ABCA13: variants seen among roughly 807,000 people sequenced by gnomAD.
The protein encoded by ABCA13 is ATP binding cassette subfamily A member 13.
Under a neutral mutation model 478.7 loss-of-function variants are expected in ABCA13, and 476 were observed. That is an observed-to-expected ratio of 0.99 (90% CI 0.92 to 1.07). The LOEUF (loss-of-function observed/expected upper bound fraction) is 1.07. Ranked by LOEUF, ABCA13 falls within the 50% of genes least tolerant of loss-of-function variation. The pLI, the probability that ABCA13 is intolerant of heterozygous loss-of-function variation, is 0.00. For synonymous variants in ABCA13, 2,252 were observed against 2,158.9 expected, an observed-to-expected ratio of 1.04 and a Z score of -1.20; for missense variants, 6,060 against 5,910.6, an observed-to-expected ratio of 1.03 and a Z score of -0.83.
chr7:48,449,139 G>A (rs899278553), intron 42 of ABCA13, among the ~76,000 whole-genome samples: 1 of 152,158 alleles, frequency 6.6e-6, no homozygotes, highest in African/African-American at 2.4e-5. Flanking sequence ...CACTGTGTCC[G>A]GCTCCTAGCT....
At chr7:48,478,146 A>G (rs1203728872) in intron 45 of ABCA13, among the ~76,000 whole-genome samples, 2 of 150,004 alleles carry the variant, frequency 1.3e-5, no homozygotes, top group Non-Finnish European at 3.0e-5. Flanking sequence ...GAAGTTATAT[A>G]TATTTGTGGT....
At chr7:48,578,072 T>C (rs1273439324) in intron 55 of ABCA13, among the ~76,000 whole-genome samples, 2 of 152,084 alleles carry the variant, frequency 1.3e-5, no homozygotes, top group Non-Finnish European at 2.9e-5. Context: ...GAAAGGACAT[T>C]CCTCAACTTG....
intron 58 of ABCA13, among the ~76,000 whole-genome samples, chr7:48,608,972 T>C (rs966978900): frequency 2.0e-5 from 3 of 152,224 alleles, no homozygotes; most frequent in African/African-American, 7.2e-5. Flanking sequence ...GTTGTTTTTC[T>C]TGTATTTTAC....
chr7:48,330,179 A>C (rs1402002492), intron 27 of ABCA13, among the ~76,000 whole-genome samples: 1 of 151,686 alleles, frequency 6.6e-6, no homozygotes, highest in Non-Finnish European at 1.5e-5. Context: ...CTGTCCATCC[A>C]TCCGTCCATT....
At chr7:48,603,275 T>C (rs1448458483) in intron 58 of ABCA13, among the ~76,000 whole-genome samples, 1 of 152,094 alleles carries the variant, frequency 6.6e-6, no homozygotes, top group African/African-American at 2.4e-5. Context: ...TGTTGAATAG[T>C]AGTGGTGAGA....
intron 38 of ABCA13, among the ~76,000 whole-genome samples, 191 bp from the exon 39 acceptor site, chr7:48,403,492 G>A (rs1817873725): frequency 6.6e-6 from 1 of 152,220 alleles, no homozygotes. Flanking sequence ...CCCTTGGCGT[G>A]GTTCCATCTG....
At chr7:48,527,991 A>G (rs1422095291) in intron 54 of ABCA13, among the ~76,000 whole-genome samples, 1 of 152,102 alleles carries the variant, frequency 6.6e-6, no homozygotes, top group Non-Finnish European at 1.5e-5. Context: ...TTGTCTGTAA[A>G]TTACTGCTGA....
At chr7:48,341,916 C>CAG (rs1807290162) in intron 29 of ABCA13, among the ~76,000 whole-genome samples, 1 of 41,146 alleles carries the variant, frequency 2.4e-5, no homozygotes, top group Non-Finnish European at 5.5e-5. Flanking sequence ...TATATATACT[C>CAG]ATATATATAT....
intron 47 of ABCA13, among the ~76,000 whole-genome samples, chr7:48,485,817 C>CT (rs1156239523): frequency 6.6e-6 from 1 of 152,180 alleles, no homozygotes; most frequent in Non-Finnish European, 1.5e-5. Context: ...TTGGGATGCT[C>CT]TTTATCCAGG....
chr7:48,482,822 C>T (rs887960833), intron 46 of ABCA13, among the ~76,000 whole-genome samples: 3 of 152,180 alleles, frequency 2.0e-5, no homozygotes, highest in Non-Finnish European at 4.4e-5. Flanking sequence ...GTGACAAGTA[C>T]ACTTTCTAAT....
In ABCA13 at chr7:48,333,282, G is replaced by A. The variant is rs1805690862; in HGVS notation, c.10000-2140G>A. On this transcript the variant is annotated intron_variant, in intron 27 of 61. Transcript: ENST00000435803. ...CGTTATTGCATTGTCCATTTCTGGA[G>A]AATCCATGTGGTTCTTTTTTATAAT... 2.0e-5 allele frequency among the ~76,000 whole-genome samples: 3 copies of A among 152,162 alleles called. No homozygotes were observed. In the South Asian group the frequency reaches 6.2e-4, roughly 31 times the overall value.
chr7:48,566,013 G>A (rs1174695581), intron 55 of ABCA13, among the ~76,000 whole-genome samples: 2 of 152,148 alleles, frequency 1.3e-5, no homozygotes, highest in African/African-American at 4.8e-5. Flanking sequence ...AGAGAATCCA[G>A]CAGTTTGGAA....
At chr7:48,624,049 C>T (rs1793416373) in intron 59 of ABCA13, among the ~76,000 whole-genome samples, 2 of 145,586 alleles carry the variant, frequency 1.4e-5, no homozygotes, top group South Asian at 4.4e-4. Flanking sequence ...TACGTGTGAG[C>T]ACATGATAGA....
At chr7:48,261,666 T>A (rs1418700154) in intron 15 of ABCA13, among the ~76,000 whole-genome samples, 4 of 151,104 alleles carry the variant, frequency 2.6e-5, no homozygotes, top group African/African-American at 4.9e-5. Flanking sequence ...ATATGTTCAT[T>A]AAAATAGTTT....
chr7:48,439,825 A>C (rs1823340619), intron 42 of ABCA13, among the ~76,000 whole-genome samples: 1 of 152,086 alleles, frequency 6.6e-6, no homozygotes, highest in Admixed American at 6.6e-5. Context: ...GAGATCTGTA[A>C]AATGTCTTCA....
chr7:48,449,942 C>T (rs1478993282), intron 42 of ABCA13, among the ~76,000 whole-genome samples: 1 of 152,206 alleles, frequency 6.6e-6, no homozygotes, highest in Non-Finnish European at 1.5e-5. Flanking sequence ...CTGGCATTGG[C>T]TGACTCCTTG....
chr7:48,272,397 G>A lies in ABCA13; in HGVS notation c.2731G>A (p.Glu911Lys). 1 of 1,613,700 alleles carries A rather than the reference G, an allele frequency of 6.2e-7. No individual in the cohort carries two copies. The highest frequency in any genetic ancestry group is 8.5e-7 in the Non-Finnish European group (1 of 1,179,770). The change falls in exon 17 of 62, where the codon GAA becomes AAA. Residue 911 changes from glutamate to lysine, a missense_variant. Glu to Lys is a moderately conservative substitution (Grantham distance 56). Coordinates refer to ENST00000435803, the MANE Select transcript of ABCA13 (RefSeq NM_152701.5). Reference protein sequence around the residue: ...SLHEFGFLEQEQISEALNTVY... With the variant: ...SLHEFGFLEQKQISEALNTVY... ...CCATGAATTTGGATTTTTGGAGCAGGAACAGATCTCAGAAGCTCTGAACAC... is the reference window on the plus strand; with the variant it reads ...CCATGAATTTGGATTTTTGGAGCAGAAACAGATCTCAGAAGCTCTGAACAC...
At chr7:48,332,845 G>C (rs1435974949) in intron 27 of ABCA13, among the ~76,000 whole-genome samples, 1 of 152,138 alleles carries the variant, frequency 6.6e-6, no homozygotes, top group Non-Finnish European at 1.5e-5. Flanking sequence ...ACATGTTATG[G>C]TTCTCTGGCT....
rs1182120387 is a variant in ABCA13 at position 48,281,383 on chromosome 7, C to A, written c.8767C>A (p.Pro2923Thr). The A allele has an allele frequency of 1.9e-5, 31 of 1,609,406 alleles. No individual in the cohort carries two copies. The highest frequency in any genetic ancestry group is 2.3e-5 in the Non-Finnish European group (27 of 1,177,944). ...ICEVFQQTVKPSEAMEMLQKV... is the reference protein window; with the variant it reads ...ICEVFQQTVKTSEAMEMLQKV... Reference sequence around the variant, plus strand: ...TGAAGTTTTCCAGCAGACTGTGAAGCCCTCAGAAGCCATGGAGATGCTGCA... The same window carrying A: ...TGAAGTTTTCCAGCAGACTGTGAAGACCTCAGAAGCCATGGAGATGCTGCA... The change falls in exon 19 of 62, where the codon CCC becomes ACC. Residue 2923 changes from proline (P) to threonine (T), a missense_variant. Pro to Thr is a conservative substitution (Grantham distance 38). Around this residue, in one of 3 missense-constraint regions of ABCA13, gnomAD observed 4,423 missense variants for 4,309.1 expected, o/e 1.03. Coordinates refer to ENST00000435803, the MANE Select transcript of ABCA13 (RefSeq NM_152701.5).
Sources: allele counts gnomAD v4.1 joint callset (sites outside exome capture counted in the v4.1 genomes callset), GRCh38; gene constraint gnomAD v4.1.1; regional missense constraint gnomAD v4.1.1; transcripts MANE v1.5; gene names NCBI Gene and HGNC (gene_info 2026-07-23, HGNC 2026-07-21).